Variants in PAMR1 observed in about 807,000 individuals in gnomAD.
PAMR1 encodes the protein peptidase domain containing associated with muscle regeneration 1.
PAMR1 carries 88 observed loss-of-function variants against 81.8 expected under a neutral mutation model. That is an observed-to-expected ratio of 1.08 (90% CI 0.91 to 1.28). The LOEUF (loss-of-function observed/expected upper bound fraction) is 1.28. Ranked by LOEUF, PAMR1 falls within the 50% of genes most tolerant of loss-of-function variation. PAMR1 has a pLI of 0.00. For synonymous variants in PAMR1, 336 were observed against 345.3 expected, an observed-to-expected ratio of 0.97 and a Z score of 0.30; for missense variants, 935 against 919.7, an observed-to-expected ratio of 1.02 and a Z score of -0.21.
chr11:35,460,295 T>C (rs57816820), intron 6 of PAMR1, among the ~76,000 whole-genome samples: 2,377 of 152,212 alleles, frequency 0.016, 71 homozygotes, highest in African/African-American at 0.055. Flanking sequence ...GCTCTCACTG[T>C]TTGTATCCTC....
At chr11:35,502,337 G>T (rs1850863541) in intron 1 of PAMR1, among the ~76,000 whole-genome samples, 1 of 152,074 alleles carries the variant, frequency 6.6e-6, no homozygotes, top group African/African-American at 2.4e-5. Flanking sequence ...ATGATGGTTT[G>T]CTGCACCTAT....
intron 6 of PAMR1, among the ~76,000 whole-genome samples, chr11:35,461,496 G>T (rs1481253872): frequency 2.0e-5 from 3 of 152,004 alleles, no homozygotes; most frequent in Non-Finnish European, 2.9e-5. Context: ...CAATGTTTTG[G>T]TCAAGGCCCA....
chr11:35,470,779 C>G lies in PAMR1; in HGVS notation c.534G>C (p.Gln178His). The G allele has an allele frequency of 6.2e-7, 1 of 1,614,094 alleles. No homozygotes were observed. The highest frequency in any genetic ancestry group is 1.1e-5 in the South Asian group (1 of 91,082). ...MLSLEFDYMCQYDYVEVRDGD... is the reference protein window; with the variant it reads ...MLSLEFDYMCHYDYVEVRDGD... ...CATCACGAACCTCAACATAGTCATA[C>G]TGGCACATGTAGTCAAACTCCAGGC... The change falls in exon 5 of 11, where the codon CAG becomes CAC. Residue 178 changes from glutamine (Q) to histidine (H), a missense_variant. By Grantham distance (24) the Gln-to-His change is conservative. Transcript: ENST00000619888.
At chr11:35,456,280 G>A (rs1441136592) in intron 6 of PAMR1, among the ~76,000 whole-genome samples, 1 of 152,140 alleles carries the variant, frequency 6.6e-6, no homozygotes, top group Non-Finnish European at 1.5e-5. Context: ...ATTTGAATGA[G>A]GTGCAGGGTC....
chr11:35,432,943 G>T, intron 10 of PAMR1, 51 bp from the exon 11 acceptor site: 3 of 1,471,280 alleles, frequency 2.0e-6, no homozygotes, highest in Non-Finnish European at 2.7e-6. Flanking sequence ...CTCCACAGTG[G>T]ATAAGAACAG....
intron 1 of PAMR1, among the ~76,000 whole-genome samples, chr11:35,522,158 G>A (rs563369358): frequency 3.3e-5 from 5 of 152,218 alleles, no homozygotes; most frequent in East Asian, 1.9e-4. Context: ...TCCTGACCTC[G>A]TGATCTGCCC....
intron 1 of PAMR1, among the ~76,000 whole-genome samples, chr11:35,517,484 G>C (rs1851186967): frequency 6.6e-6 from 1 of 152,184 alleles, no homozygotes; most frequent in South Asian, 2.1e-4. Flanking sequence ...TTTCCAAACT[G>C]TATTCCATGA....
Position 35,466,075 on chromosome 11 carries a change from T to C in PAMR1, c.820+1926A>G, listed in dbSNP as rs1210112783. Among the ~76,000 whole-genome samples the C allele has an allele frequency of 2.6e-3, 377 of 147,306 alleles. 2 individuals carry two copies. The highest frequency in any genetic ancestry group is 8.1e-3 in the African/African-American group (313 of 38,692). The stretch of plus-strand genomic sequence containing the variant: ...ATGTTTTACTTCTTTCCAATTCTAT[T>C]TTTTTTTTTTTATCAAAGTATTGTG... On this transcript the variant is annotated intron_variant, in intron 6 of 10. Transcript: ENST00000619888.
rs1021309725 is a variant in PAMR1, at chr11:35,434,645, G to T, written c.1493C>A (p.Thr498Asn). 1 of 1,614,044 alleles carries T rather than the reference G, an allele frequency of 6.2e-7. No individual in the cohort carries two copies. Among genetic ancestry groups the T allele is most frequent in the East Asian group, 2.2e-5 (1 of 44,900 alleles). ...VCSGALVNER[T>N]VVVAAHCVTD... ...AACACAGTGGGCAGCCACCACCACA[G>T]TGCGCTCATTCACCAGGGCACCGCT... The change falls in exon 10 of 11, where the codon ACT becomes AAT. Residue 498 changes from threonine to asparagine, a missense_variant. Physicochemically the swap from Thr to Asn is moderately conservative, Grantham distance 65 (BLOSUM62 0). Transcript: ENST00000619888.
Position 35,441,496 on chromosome 11 carries a change from G to A in PAMR1, c.1018C>T (p.Pro340Ser). The change falls in exon 7 of 11, where the codon CCC becomes TCC. Residue 340 changes from proline to serine, a missense_variant. By Grantham distance (74) the Pro-to-Ser change is moderately conservative. Coordinates refer to ENST00000619888, the MANE Select transcript of PAMR1 (RefSeq NM_001001991.3). The part of the protein sequence containing the change: ...QQNGEWSGKQ[P>S]ICIKACREPK... ...TGTAAGTTACCTTTTATGCAGATGG[G>A]CTGTTTCCCTGACCACTCTCCATTC... The A allele has an allele frequency of 6.2e-7, 1 of 1,611,000 alleles. No homozygotes were observed. The highest frequency in any genetic ancestry group is 8.5e-7 in the Non-Finnish European group (1 of 1,178,276).
At chr11:35,526,191 C>T (rs1170426051), upstream of PAMR1, among the ~76,000 whole-genome samples, 1 of 152,172 alleles carries the variant, frequency 6.6e-6, no homozygotes, top group African/African-American at 2.4e-5. Flanking sequence ...GGTTGGAAAG[C>T]TTATTATCTT....
chr11:35,529,950 C>A (rs146903554), upstream of PAMR1: 38 of 152,346 alleles, frequency 2.5e-4, no homozygotes, highest in African/African-American at 8.7e-4. Flanking sequence ...ACCAGGGAGG[C>A]TGGTTGCATG....
At chr11:35,480,295 A>G (rs592268) in intron 3 of PAMR1, among the ~76,000 whole-genome samples, 77,165 of 152,112 alleles carry the variant, frequency 0.51, 19,726 homozygotes, top group Middle Eastern at 0.61. Flanking sequence ...AAAGAATAGC[A>G]TCTACCACTT....
chr11:35,450,915 T>C (rs116678266), intron 6 of PAMR1, among the ~76,000 whole-genome samples: 372 of 152,308 alleles, frequency 2.4e-3, no homozygotes, highest in African/African-American at 8.8e-3. Context: ...AATTAGCCTA[T>C]TAAAGGGCTA....
intron 8 of PAMR1, 79 bp downstream of exon 8, chr11:35,439,548 C>T: frequency 8.4e-7 from 1 of 1,196,488 alleles, no homozygotes; most frequent in Non-Finnish European, 1.3e-6. Context: ...TATCTTTGGC[C>T]AAACACAAGT....
chr11:35,483,584 A>C (rs957451360), intron 3 of PAMR1, among the ~76,000 whole-genome samples: 4 of 152,020 alleles, frequency 2.6e-5, no homozygotes, highest in African/African-American at 9.7e-5. Flanking sequence ...CCTGCCCCCA[A>C]CCGCAGCAGC....
chr11:35,441,577 A>T lies in PAMR1; in HGVS notation c.937T>A (p.Phe313Ile). 6.2e-7 allele frequency: 1 copy of T among 1,613,952 alleles called. No homozygotes were observed. Among genetic ancestry groups the T allele is most frequent in the East Asian group, 2.2e-5 (1 of 44,902 alleles). Residue 313 changes from phenylalanine (F) to isoleucine (I), a missense_variant, in exon 7 of 11, where the codon TTC becomes ATC. Physicochemically the swap from Phe to Ile is conservative, Grantham distance 21. Coordinates refer to ENST00000619888, the MANE Select transcript of PAMR1 (RefSeq NM_001001991.3). Reference sequence around the variant, plus strand: ...AGAACATAGGAGTTGTTACAAAAGAAAGACACCACGGTGCCAATTTTAGCA... The same window carrying T: ...AGAACATAGGAGTTGTTACAAAAGATAGACACCACGGTGCCAATTTTAGCA... Reference protein sequence around the residue: ...RHAKIGTVVSFFCNNSYVLSG... With the variant: ...RHAKIGTVVSIFCNNSYVLSG...
chr11:35,516,841 A>G (rs866068307), intron 1 of PAMR1, among the ~76,000 whole-genome samples: 1 of 152,348 alleles, frequency 6.6e-6, no homozygotes, highest in African/African-American at 2.4e-5. Flanking sequence ...AATGTTTGGT[A>G]GTCGATGATG....
intron 5 of PAMR1, 34 bp from the exon 6 acceptor site, chr11:35,468,142 T>C (rs781365509): frequency 7.5e-7 from 1 of 1,338,884 alleles, no homozygotes. Context: ...AGTGCCACTA[T>C]ACATTGAGTC....
Sources: gnomAD v4.1 joint callset for allele counts (sites outside exome capture counted in the v4.1 genomes callset) on GRCh38, gnomAD v4.1.1 for gene constraint, MANE v1.5 for transcripts, NCBI Gene and HGNC (gene_info 2026-07-23, HGNC 2026-07-21) for gene names.